The following IFI44 variants were observed in gnomAD, a reference collection of about 807,000 sequenced individuals.
The protein encoded by IFI44 is interferon-induced protein 44.
IFI44 carries 42 observed loss-of-function variants against 45.0 expected under a neutral mutation model. That is an observed-to-expected ratio of 0.93 (90% CI 0.73 to 1.21). The LOEUF is 1.21. IFI44 is among the 50% of genes most tolerant of loss of function. The probability of loss-of-function intolerance (pLI) is 0.00; values close to 1 mark genes in which losing one functional copy is unlikely to be tolerated. For missense variants in IFI44, 623 were observed against 525.8 expected (o/e 1.18, Z -1.81); for synonymous variants, 221 against 188.6 (o/e 1.17, Z -1.41).
intron 3 of IFI44, 92 bp downstream of exon 3, chr1:78,654,371 T>C: frequency 5.8e-6 from 4 of 684,980 alleles, no homozygotes; most frequent in Non-Finnish European, 1.0e-5. Context: ...CAACACATAT[T>C]ATCACACATA....
At chr1:78,663,685 C>T (rs1420515021) in intron 8 of IFI44, 80 bp from the exon 9 acceptor site, 2 of 1,564,452 alleles carry the variant, frequency 1.3e-6, no homozygotes. Flanking sequence ...TTGAGATTTT[C>T]AGTGGTCCAA....
In IFI44 at chr1:78,650,241, C is replaced by T. The variant is rs142697926; in HGVS notation, c.46C>T (p.Gln16Ter). The change falls in exon 2 of 9, where the codon CAA becomes TAA. Residue 16 changes from glutamine (Q) to a stop codon, truncating the protein, a stop_gained. Coordinates refer to ENST00000370747, the MANE Select transcript of IFI44 (RefSeq NM_006417.5). LOFTEE classifies it high-confidence loss of function. ...RLTWLHEKILQNHFGGKRLSL... is the reference protein window; with the variant it reads ...RLTWLHEKIL ...GACATGGTTGCACGAAAAGATCCTG[C>T]AAAATCATTTTGGAGGGAAGCGGCT... The T allele has an allele frequency of 3.1e-6, 5 of 1,609,260 alleles. No homozygotes were observed. The African/African-American group carries it at 6.7e-5, about 22-fold the overall frequency.
intron 7 of IFI44, among the ~76,000 whole-genome samples, chr1:78,662,461 ATAAAAATTTTGTTTC>A (rs1285702345): frequency 5.3e-5 from 8 of 152,236 alleles, no homozygotes; most frequent in African/African-American, 1.9e-4. Flanking sequence ...GATAGGTGTC[ATAAAAATTTTGTTTC>A]TAAATCATTT....
At chr1:78,654,943 C>G (rs901323349) in intron 3 of IFI44, 71 bp from the exon 4 acceptor site, 6 of 1,166,680 alleles carry the variant, frequency 5.1e-6, no homozygotes, top group Non-Finnish European at 6.9e-6. Context: ...AAAATGAATT[C>G]TCAGAAAATT....
At position 78,655,575 on chromosome 1, in the gene IFI44, TC is replaced by T. The variant is rs2100451616; in HGVS notation, c.840+65del. 12 of 1,354,352 alleles carry T rather than the reference TC, an allele frequency of 8.9e-6. No individual in the cohort carries two copies. The South Asian group carries it at 1.6e-4, about 19-fold the overall frequency. 83.9% of individuals were successfully genotyped at this position (1,354,352 alleles called of 1,614,324 possible). A position where few individuals can be genotyped will look rare whatever the true frequency, so the allele number is the denominator to read the frequency against. ...AAATGCTTATTTTTGTACAAATGTA[TC>T]AGCGTTTATCTTCTTAAATTATACT... On this transcript the variant is annotated intron_variant, in intron 5 of 8. Coordinates refer to ENST00000370747, the MANE Select transcript of IFI44 (RefSeq NM_006417.5).
chr1:78,655,511 G>A lies in IFI44; in HGVS notation c.840G>A (p.Gln280=), dbSNP rs768324066. ...ACGGTAACATTCGTGATAGATACCA[G>A]GTAATATTTGACTAATGAGAAATTA... ...ILNGNIRDRY[Q]FNPMESIKLN... is the part of the protein sequence containing the mutation. Residue 280 remains glutamine (Q), a splice_region_variant and synonymous_variant, in exon 5 of 9, where the codon CAG becomes CAA. Transcript: ENST00000370747. 1.6e-5 allele frequency: 25 copies of A among 1,600,798 alleles called. No homozygotes were observed. The highest frequency in any genetic ancestry group is 2.1e-5 in the Non-Finnish European group (25 of 1,174,806).
intron 8 of IFI44, chr1:78,663,211 C>T (rs1002383349): frequency 3.0e-5 from 30 of 985,148 alleles, no homozygotes; most frequent in Non-Finnish European, 3.6e-5. Context: ...TACTTGGGAC[C>T]TAGAACTGGA....
intron 5 of IFI44, among the ~76,000 whole-genome samples, chr1:78,658,550 A>G (rs1357038258): frequency 2.0e-5 from 3 of 152,136 alleles, no homozygotes; most frequent in Non-Finnish European, 4.4e-5. Context: ...TTGGTTTTAT[A>G]TTTATGTTTA....
chr1:78,663,083 C>G lies in IFI44; in HGVS notation c.1288+205C>G, dbSNP rs192481859. On this transcript the variant is annotated intron_variant, in intron 8 of 8. Coordinates refer to ENST00000370747, the MANE Select transcript of IFI44 (RefSeq NM_006417.5). ...TGGAGTTCATACTAGAGAATCTGCA[C>G]TATGTTTTTCCCTTTTTGTCTTGAG... 660 of 985,254 alleles carry G rather than the reference C, an allele frequency of 6.7e-4. 2 individuals carry two copies. Among genetic ancestry groups the G allele is most frequent in the Non-Finnish European group, 6.7e-4 (553 of 829,884 alleles). 61.0% of individuals were successfully genotyped at this position (985,254 alleles called of 1,614,324 possible).
At position 78,655,312 on chromosome 1, in the gene IFI44, A is replaced by C. The variant is rs751976643; in HGVS notation, c.691-50A>C. 2.6e-6 allele frequency: 4 copies of C among 1,559,608 alleles called. No homozygotes were observed. The Admixed American group carries it at 8.0e-5, about 31-fold the overall frequency. On this transcript the variant is annotated intron_variant, in intron 4 of 8. Transcript: ENST00000370747. Reference sequence around the variant, plus strand: ...CTTTATTACATATAGACTTCATCTCAATTTATAATAAAAAATGAATCTTTA... The same window carrying C: ...CTTTATTACATATAGACTTCATCTCCATTTATAATAAAAAATGAATCTTTA...
intron 7 of IFI44, among the ~76,000 whole-genome samples, chr1:78,661,265 T>C (rs920343474): frequency 3.9e-5 from 6 of 152,136 alleles, no homozygotes; most frequent in Non-Finnish European, 7.4e-5. Context: ...GGTTTCACCA[T>C]GTTGGCCAGG....
chr1:78,652,135 G>A lies in IFI44; in HGVS notation c.457+1483G>A, dbSNP rs1024714720. The stretch of plus-strand genomic sequence containing the variant: ...GAGTCTCTGTCACCCAGGCTGGAGC[G>A]CAGTGGCATGATCTCAGCTCACTGC... On this transcript the variant is annotated intron_variant, in intron 2 of 8. Coordinates refer to ENST00000370747, the MANE Select transcript of IFI44 (RefSeq NM_006417.5). 1.1e-4 allele frequency among the ~76,000 whole-genome samples: 17 copies of A among 151,958 alleles called. No homozygotes were observed. In the East Asian group the frequency reaches 1.2e-3, roughly 10 times the overall value.
In IFI44 at chr1:78,662,841, A is replaced by C; in HGVS notation, c.1251A>C (p.Ala417=). Residue 417 remains alanine, a synonymous_variant, in exon 8 of 9, where the codon GCA becomes GCC. Coordinates refer to ENST00000370747, the MANE Select transcript of IFI44 (RefSeq NM_006417.5). ...CTCTGAGACGAATGCTATGGGCTGC[A>C]GATGACTTCTTAGAGGATTTGCCTT... is the stretch of plus-strand genomic sequence containing the variant. ...LSALRRMLWA[A]DDFLEDLPFE... is the part of the protein sequence containing the mutation. 2 of 1,613,556 alleles carry C rather than the reference A, an allele frequency of 1.2e-6. No homozygotes were observed. The highest frequency in any genetic ancestry group is 2.2e-5 in the South Asian group (2 of 91,050).
chr1:78,650,238 C>G lies in IFI44; in HGVS notation c.43C>G (p.Leu15Val), dbSNP rs1647099486. ...TRLTWLHEKI[L>V]QNHFGGKRLS... ...TTTGACATGGTTGCACGAAAAGATC[C>G]TGCAAAATCATTTTGGAGGGAAGCG... Residue 15 changes from leucine to valine, a missense_variant, in exon 2 of 9, where the codon CTG (leucine) becomes GTG (valine). By Grantham distance (32) the Leu-to-Val change is conservative. Coordinates refer to ENST00000370747, the MANE Select transcript of IFI44 (RefSeq NM_006417.5). The G allele has an allele frequency of 1.2e-6, 2 of 1,608,342 alleles. No individual in the cohort carries two copies. Among genetic ancestry groups the G allele is most frequent in the South Asian group, 2.2e-5 (2 of 90,852 alleles).
chr1:78,659,385 A>T lies in IFI44; in HGVS notation c.914A>T (p.His305Leu). ...TCCCCATCGCTGAAGGACAGAATTCATTGTGTGGCATTTGTATTTGATGCC... is the reference window on the plus strand; with the variant it reads ...TCCCCATCGCTGAAGGACAGAATTCTTTGTGTGGCATTTGTATTTGATGCC... Reference protein sequence around the residue: ...IDSPSLKDRIHCVAFVFDASS... With the variant: ...IDSPSLKDRILCVAFVFDASS... The change falls in exon 6 of 9, where the codon CAT (histidine) becomes CTT (leucine). Residue 305 changes from histidine (H) to leucine (L), a missense_variant. His to Leu is a moderately conservative substitution (Grantham distance 99). Coordinates refer to ENST00000370747, the MANE Select transcript of IFI44 (RefSeq NM_006417.5). The T allele has an allele frequency of 6.2e-7, 1 of 1,613,188 alleles. No individual in the cohort carries two copies. Among genetic ancestry groups the T allele is most frequent in the Non-Finnish European group, 8.5e-7 (1 of 1,179,222 alleles).
intron 7 of IFI44, 179 bp downstream of exon 7, chr1:78,660,833 A>C: frequency 1.6e-6 from 1 of 616,978 alleles, no homozygotes; most frequent in Non-Finnish European, 3.0e-6. Context: ...TGGTATTTGC[A>C]GGGGATTAGT....
rs764906974 is a variant in IFI44, at chr1:78,650,327, T to C, written c.132T>C (p.Cys44=). 1.2e-6 allele frequency: 2 copies of C among 1,613,940 alleles called. No individual in the cohort carries two copies. The highest frequency in any genetic ancestry group is 1.7e-5 in the Admixed American group (1 of 60,006). ...GFRNGVLLDR[C]CNQGPTLTVI... The stretch of plus-strand genomic sequence containing the variant: ...GTAATGGAGTTTTGCTTGACAGATG[T>C]TGTAATCAAGGGCCTACTCTAACAG... Residue 44 remains cysteine (C), a synonymous_variant, in exon 2 of 9, where the codon TGT becomes TGC. Coordinates refer to ENST00000370747, the MANE Select transcript of IFI44 (RefSeq NM_006417.5).
chr1:78,655,163 C>A lies in IFI44; in HGVS notation c.644C>A (p.Thr215Lys). Residue 215 changes from threonine to lysine, a missense_variant, in exon 4 of 9, where the codon ACG becomes AAG. By Grantham distance (78) the Thr-to-Lys change is moderately conservative (BLOSUM62 -1). Coordinates refer to ENST00000370747, the MANE Select transcript of IFI44 (RefSeq NM_006417.5). ...SVRSVFQGHV[T>K]HQALVGTNTT... The stretch of plus-strand genomic sequence containing the variant: ...AGGTCTGTTTTCCAAGGGCATGTAA[C>A]GCATCAGGCTTTGGTGGGCACTAAT... 6.2e-7 allele frequency: 1 copy of A among 1,613,790 alleles called. No homozygotes were observed. Among genetic ancestry groups the A allele is most frequent in the East Asian group, 2.2e-5 (1 of 44,886 alleles).
chr1:78,651,878 G>A lies in IFI44; in HGVS notation c.457+1226G>A, dbSNP rs1286146641. Among the ~76,000 whole-genome samples, 2 of 152,052 alleles carry A rather than the reference G, an allele frequency of 1.3e-5. 1 individual carries two copies. The highest frequency in any genetic ancestry group is 2.9e-5 in the Non-Finnish European group (2 of 68,022). On this transcript the variant is annotated intron_variant, in intron 2 of 8. Coordinates refer to ENST00000370747, the MANE Select transcript of IFI44 (RefSeq NM_006417.5). ...GTAATTTCAAAGATAGAGGCAAGCA[G>A]AAACCTAAGAAAAGGCAGAAAGAGT...
Sources: allele counts gnomAD v4.1 joint callset (sites outside exome capture counted in the v4.1 genomes callset), GRCh38; gene constraint gnomAD v4.1.1; transcripts MANE v1.5; gene names NCBI Gene and HGNC (gene_info 2026-07-23, HGNC 2026-07-21).